ORC1: variants seen among roughly 807,000 people sequenced by gnomAD.
ORC1 encodes origin recognition complex, subunit 1 homolog.
ORC1 carries 61 observed loss-of-function variants against 98.9 expected under a neutral mutation model. That is an observed-to-expected ratio of 0.62 (90% CI 0.50 to 0.76). ORC1 has a LOEUF of 0.76. Ranked by LOEUF, ORC1 falls within the 30% of genes least tolerant of loss-of-function variation. The pLI, the probability that ORC1 is intolerant of heterozygous loss-of-function variation, is 0.00. For missense variants in ORC1, 979 were observed against 1,072.2 expected, an observed-to-expected ratio of 0.91 and a Z score of 1.21; for synonymous variants, 385 against 406.9, an observed-to-expected ratio of 0.95 and a Z score of 0.65.
At chr1:52,407,469 T>G (rs1648030783), upstream of ORC1, among the ~76,000 whole-genome samples, 1 of 152,238 alleles carries the variant, frequency 6.6e-6, no homozygotes, top group Non-Finnish European at 1.5e-5. Context: ...TTTACAAGGA[T>G]TGAGAAAACA....
At position 52,396,177 on chromosome 1, in the gene ORC1, G is replaced by A; in HGVS notation, c.590C>T (p.Ala197Val). The A allele has an allele frequency of 6.2e-7, 1 of 1,614,084 alleles. No homozygotes were observed. The highest frequency in any genetic ancestry group is 8.5e-7 in the Non-Finnish European group (1 of 1,179,998). The change falls in exon 5 of 17, where the codon GCA (alanine) becomes GTA (valine). Residue 197 changes from alanine (A) to valine (V), a missense_variant. Ala to Val is a moderately conservative substitution (Grantham distance 64). Coordinates refer to ENST00000371568, the MANE Select transcript of ORC1 (RefSeq NM_004153.4). ...TGCTGGGGTCCAAGAAGGGCTCTCT[G>A]CACTCTTACTCTTGGCTCTCACGGG... Reference protein sequence around the residue: ...QKPVRAKSKSAESPSWTPAEH... With the variant: ...QKPVRAKSKSVESPSWTPAEH...
chr1:52,381,387 G>A (rs183923325), intron 14 of ORC1, among the ~76,000 whole-genome samples: 24 of 152,204 alleles, frequency 1.6e-4, no homozygotes, highest in Admixed American at 7.2e-4. Context: ...TGACTATATT[G>A]TCCCTTTCAT....
At chr1:52,408,464 C>T (rs759301464), upstream of ORC1, 3 of 1,497,660 alleles carry the variant, frequency 2.0e-6, no homozygotes, top group African/African-American at 4.1e-5. Context: ...TTCTTACCTG[C>T]CAAAGAGAAG....
At chr1:52,401,636 T>C (rs907213473) in intron 2 of ORC1, 147 bp from the exon 3 acceptor site, 3 of 931,942 alleles carry the variant, frequency 3.2e-6, no homozygotes, top group Non-Finnish European at 5.1e-6. Context: ...CGCCCAGTTA[T>C]ATTTAAGAAT....
At chr1:52,398,233 GA>G (rs1647516897) in intron 3 of ORC1, among the ~76,000 whole-genome samples, 2 of 149,254 alleles carry the variant, frequency 1.3e-5, no homozygotes, top group Non-Finnish European at 3.0e-5. Flanking sequence ...CAAAGTGCTG[GA>G]ATTACAGGCA....
At chr1:52,376,474 C>T (rs1484360513) in intron 14 of ORC1, among the ~76,000 whole-genome samples, 2 of 152,174 alleles carry the variant, frequency 1.3e-5, no homozygotes, top group East Asian at 1.9e-4. Flanking sequence ...AAGATCACGC[C>T]ACTGCACTCC....
chr1:52,381,385 T>C (rs538357481), intron 14 of ORC1, among the ~76,000 whole-genome samples: 5 of 152,324 alleles, frequency 3.3e-5, no homozygotes, highest in East Asian at 1.9e-4. Context: ...CCTGACTATA[T>C]TGTCCCTTTC....
chr1:52,383,369 G>A, intron 13 of ORC1, 51 bp downstream of exon 13: 1 of 1,607,746 alleles, frequency 6.2e-7, no homozygotes, highest in Non-Finnish European at 8.5e-7. Flanking sequence ...GAACTTCTTG[G>A]CCAAGCTTAC....
intron 5 of ORC1, 100 bp from the exon 6 acceptor site, chr1:52,393,903 A>T (rs1173564043): frequency 7.9e-7 from 1 of 1,264,498 alleles, no homozygotes; most frequent in African/African-American, 1.5e-5. Flanking sequence ...TATGTAAAAC[A>T]GGAATTATCT....
At chr1:52,401,115 A>G (rs1027749311) in intron 3 of ORC1, among the ~76,000 whole-genome samples, 1 of 150,730 alleles carries the variant, frequency 6.6e-6, no homozygotes, top group Non-Finnish European at 1.5e-5. Flanking sequence ...TTCTGCCTTA[A>G]TAGCCTTGCT....
At chr1:52,399,295 C>G (rs1309523419) in intron 3 of ORC1, among the ~76,000 whole-genome samples, 5 of 152,092 alleles carry the variant, frequency 3.3e-5, no homozygotes, top group African/African-American at 9.7e-5. Context: ...TGGAGACCAG[C>G]CTGCCCAACA....
At chr1:52,386,702 C>T (rs939751705) in intron 8 of ORC1, among the ~76,000 whole-genome samples, 1 of 152,206 alleles carries the variant, frequency 6.6e-6, no homozygotes, top group Admixed American at 6.5e-5. Context: ...TGACTCACGC[C>T]TGTAATCCCA....
In ORC1 at chr1:52,396,187, T is replaced by G. The variant is rs779395679; in HGVS notation, c.580A>C (p.Ser194Arg). 3 of 1,614,194 alleles carry G rather than the reference T, an allele frequency of 1.9e-6. No individual in the cohort carries two copies. The highest frequency in any genetic ancestry group is 2.5e-6 in the Non-Finnish European group (3 of 1,180,032). Residue 194 changes from serine to arginine, a missense_variant, in exon 5 of 17, where the codon AGT becomes CGT. Physicochemically the swap from Ser to Arg is moderately radical, Grantham distance 110. Coordinates refer to ENST00000371568, the MANE Select transcript of ORC1 (RefSeq NM_004153.4). ...AKCQKPVRAK[S>R]KSAESPSWTP... The stretch of plus-strand genomic sequence containing the variant: ...CAAGAAGGGCTCTCTGCACTCTTAC[T>G]CTTGGCTCTCACGGGTTTCTGGCAC...
At chr1:52,408,489 C>T (rs777583617), upstream of ORC1, 2 of 1,581,504 alleles carry the variant, frequency 1.3e-6, no homozygotes, top group South Asian at 1.1e-5. Flanking sequence ...TGTTTATCCA[C>T]TACTGTCATG....
chr1:52,397,634 G>A (rs1319068644), intron 4 of ORC1, 51 bp downstream of exon 4: 3 of 1,552,850 alleles, frequency 1.9e-6, no homozygotes, highest in Non-Finnish European at 2.7e-6. Context: ...AGTTCAGGAG[G>A]CAGACAGAAA....
At chr1:52,379,364 C>T (rs1420774391) in intron 14 of ORC1, among the ~76,000 whole-genome samples, 1 of 151,494 alleles carries the variant, frequency 6.6e-6, no homozygotes, top group Non-Finnish European at 1.5e-5. Context: ...CTGCCTCAGC[C>T]TCCCTAGTAG....
Position 52,393,451 on chromosome 1 carries a change from G to T in ORC1, c.1074C>A (p.Ile358=). Residue 358 remains isoleucine (I), a synonymous_variant, in exon 6 of 17, where the codon ATC becomes ATA. Transcript: ENST00000371568. ...VPSVILKPEN[I]KKRDAKEAKA... ...GTAATGTCCCTGGTCACCTCTTTTT[G>T]ATGTTTTCTGGTTTCAGAATCACGG... The T allele has an allele frequency of 6.2e-7, 1 of 1,614,138 alleles. No homozygotes were observed. Among genetic ancestry groups the T allele is most frequent in the Non-Finnish European group, 8.5e-7 (1 of 1,180,020 alleles).
intron 4 of ORC1, among the ~76,000 whole-genome samples, chr1:52,397,457 C>G (rs899512262): frequency 6.6e-6 from 1 of 152,192 alleles, no homozygotes; most frequent in South Asian, 2.1e-4. Flanking sequence ...CTGCTCATCC[C>G]TCAGGTCACA....
intron 13 of ORC1, 123 bp downstream of exon 13, chr1:52,383,297 C>T: frequency 8.9e-7 from 1 of 1,123,056 alleles, no homozygotes; most frequent in Non-Finnish European, 1.3e-6. Flanking sequence ...GATCCGCCCG[C>T]CTTGGCCTCC....
Sources: gnomAD v4.1 joint callset for allele counts (sites outside exome capture counted in the v4.1 genomes callset) on GRCh38, gnomAD v4.1.1 for gene constraint, MANE v1.5 for transcripts, NCBI Gene and HGNC (gene_info 2026-07-23, HGNC 2026-07-21) for gene names.